The following PTPRT variants were observed in gnomAD, a reference collection of about 807,000 sequenced individuals.
The protein encoded by PTPRT is receptor-type tyrosine-protein phosphatase T.
Under a neutral mutation model 176.8 loss-of-function variants are expected in PTPRT, and 56 were observed. The ratio of observed to expected loss-of-function variants is 0.32; its 90% confidence interval spans 0.26 to 0.40. PTPRT has a LOEUF of 0.40. PTPRT is among the 10% of genes least tolerant of loss of function. The probability of loss-of-function intolerance (pLI) is 1.00; values close to 1 mark genes in which losing one functional copy is unlikely to be tolerated. For synonymous variants in PTPRT, 783 were observed against 739.0 expected (o/e 1.06, Z -0.96); for missense variants, 1,540 against 1,908.2 (o/e 0.81, Z 3.60).
At chr20:43,136,795 G>A (rs934153096) in intron 1 of PTPRT, among the ~76,000 whole-genome samples, 1 of 152,174 alleles carries the variant, frequency 6.6e-6, no homozygotes, top group Non-Finnish European at 1.5e-5. Flanking sequence ...TAAAATTCAT[G>A]AGGCAGCATA....
intron 18 of PTPRT, among the ~76,000 whole-genome samples, chr20:42,140,892 T>G (rs1600578442): frequency 1.3e-5 from 2 of 152,304 alleles, no homozygotes; most frequent in Non-Finnish European, 1.5e-5. Flanking sequence ...GCAAGAGTTT[T>G]ATGTACCTTT....
intron 1 of PTPRT, among the ~76,000 whole-genome samples, chr20:43,111,930 T>A (rs1249928814): frequency 2.0e-5 from 3 of 152,168 alleles, no homozygotes; most frequent in East Asian, 3.8e-4. Flanking sequence ...TCGGATGTCA[T>A]GGTTTAGTGC....
chr20:42,222,648 C>T (rs182998638), intron 15 of PTPRT, among the ~76,000 whole-genome samples: 27 of 152,296 alleles, frequency 1.8e-4, no homozygotes, highest in Admixed American at 4.6e-4. Context: ...TAGCTGAACG[C>T]GTGGAGGTTC....
At chr20:43,083,355 T>TACACATATATATATATATATATATAC (rs2011513097) in intron 1 of PTPRT, among the ~76,000 whole-genome samples, 1 of 127,322 alleles carries the variant, frequency 7.9e-6, no homozygotes. Context: ...TATATATATA[T>TACACATATATATATATATATATATAC]ATATATATAT....
At chr20:42,142,040 A>G (rs749353649) in intron 17 of PTPRT, 38 bp from the exon 18 acceptor site, 3 of 1,564,712 alleles carry the variant, frequency 1.9e-6, no homozygotes, top group African/African-American at 2.7e-5. Context: ...GTGGCCTGAG[A>G]TAGGAGCTTT....
intron 1 of PTPRT, among the ~76,000 whole-genome samples, chr20:42,936,211 G>C (rs1379731852): frequency 6.6e-6 from 1 of 152,194 alleles, no homozygotes; most frequent in Non-Finnish European, 1.5e-5. Context: ...TGCTGGGGAA[G>C]GGGTGGGGGC....
chr20:43,173,187 T>C (rs949906775), intron 1 of PTPRT, among the ~76,000 whole-genome samples: 12 of 152,140 alleles, frequency 7.9e-5, no homozygotes, highest in African/African-American at 2.9e-4. Flanking sequence ...GCCCCAGATC[T>C]GATTCCATAA....
chr20:42,256,800 C>T (rs1265739975), intron 13 of PTPRT, among the ~76,000 whole-genome samples: 2 of 152,062 alleles, frequency 1.3e-5, no homozygotes, highest in Admixed American at 1.3e-4. Flanking sequence ...CTACCCAGCC[C>T]AGACTGGAGA....
At chr20:42,473,066 G>A (rs6102848) in intron 7 of PTPRT, among the ~76,000 whole-genome samples, 4,804 of 152,168 alleles carry the variant, frequency 0.032, 233 homozygotes, top group African/African-American at 0.11. Context: ...GCCTCAACCC[G>A]CAACACCCAG....
chr20:42,462,366 G>A (rs1452346231), intron 8 of PTPRT, among the ~76,000 whole-genome samples: 1 of 152,160 alleles, frequency 6.6e-6, no homozygotes, highest in Non-Finnish European at 1.5e-5. Context: ...TAGCGCAGTG[G>A]TGTGCAGCAG....
chr20:42,060,773 G>C, the PTPRT span, among the ~76,000 whole-genome samples: 1 of 152,126 alleles, frequency 6.6e-6, no homozygotes, highest in Non-Finnish European at 1.5e-5. Context: ...AGCATGAAAA[G>C]AGACGAATAC....
intron 9 of PTPRT, among the ~76,000 whole-genome samples, chr20:42,422,785 G>T (rs908758663): frequency 1.3e-5 from 2 of 152,070 alleles, no homozygotes; most frequent in South Asian, 2.1e-4. Context: ...ATAGCCAACA[G>T]AATCAACCTA....
chr20:42,094,946 G>A (rs1396802892), intron 27 of PTPRT, among the ~76,000 whole-genome samples: 1 of 152,002 alleles, frequency 6.6e-6, no homozygotes, highest in Non-Finnish European at 1.5e-5. Flanking sequence ...TTTAACTCGT[G>A]GCCTCAACTC....
At chr20:42,384,415 G>C (rs748190482) in intron 9 of PTPRT, among the ~76,000 whole-genome samples, 13 of 152,120 alleles carry the variant, frequency 8.5e-5, no homozygotes, top group Admixed American at 6.5e-5. Flanking sequence ...GGATTCTGAT[G>C]GGTGGACAAG....
intron 9 of PTPRT, among the ~76,000 whole-genome samples, chr20:42,437,985 T>C (rs776701296): frequency 6.6e-6 from 1 of 152,200 alleles, no homozygotes; most frequent in Admixed American, 6.6e-5. Flanking sequence ...CAACTTGTGA[T>C]GTTTAAAGAG....
At chr20:43,132,351 G>A (rs2013671335) in intron 1 of PTPRT, among the ~76,000 whole-genome samples, 1 of 152,002 alleles carries the variant, frequency 6.6e-6, no homozygotes, top group African/African-American at 2.4e-5. Context: ...TAGAAAAAAT[G>A]GAAAAAGATA....
intron 2 of PTPRT, among the ~76,000 whole-genome samples, chr20:42,858,983 C>A (rs2078612851): frequency 6.6e-6 from 1 of 152,168 alleles, no homozygotes; most frequent in East Asian, 1.9e-4. Context: ...GAGCACCCAC[C>A]CTCAGTGCAG....
intron 12 of PTPRT, among the ~76,000 whole-genome samples, chr20:42,289,699 T>C (rs555996267): frequency 6.5e-4 from 99 of 152,168 alleles, no homozygotes; most frequent in Middle Eastern, 6.8e-3. Context: ...AGTGGTTTAT[T>C]CTATCTTCTC....
chr20:42,309,507 C>G (rs1056827169), intron 12 of PTPRT, among the ~76,000 whole-genome samples: 1 of 152,170 alleles, frequency 6.6e-6, no homozygotes, highest in Non-Finnish European at 1.5e-5. Flanking sequence ...CTTTAGGACT[C>G]TTTTATCTAT....
Sources: gnomAD v4.1 joint callset for allele counts (sites outside exome capture counted in the v4.1 genomes callset) on GRCh38, gnomAD v4.1.1 for gene constraint, MANE v1.5 for transcripts, NCBI Gene and HGNC (gene_info 2026-07-23, HGNC 2026-07-21) for gene names.